SRCIN1: variants seen among roughly 807,000 people sequenced by gnomAD.
The protein encoded by SRCIN1 is P130Cas-associated protein.
In SRCIN1, 50 loss-of-function variants were observed where a neutral mutation model predicts 116.2. The ratio of observed to expected loss-of-function variants is 0.43; its 90% confidence interval spans 0.34 to 0.54. The LOEUF is 0.54. Ranked by LOEUF, SRCIN1 falls within the 20% of genes least tolerant of loss-of-function variation. The probability of loss-of-function intolerance (pLI) is 0.02; values close to 1 mark genes in which losing one functional copy is unlikely to be tolerated. For synonymous variants in SRCIN1, 736 were observed against 750.0 expected, an observed-to-expected ratio of 0.98 and a Z score of 0.30; for missense variants, 1,446 against 1,672.0, an observed-to-expected ratio of 0.86 and a Z score of 2.36.
At position 38,533,411 on chromosome 17, in the gene SRCIN1, C is replaced by G. The variant is rs1180662418; in HGVS notation, c.3438G>C (p.Glu1146Asp). 6.2e-7 allele frequency: 1 copy of G among 1,613,246 alleles called. No homozygotes were observed. The highest frequency in any genetic ancestry group is 1.7e-5 in the Admixed American group (1 of 59,974). ...TCGAGGTCTCATTCGACCCGCTCAT[C>G]TCTTTAGATGGTTTAGTGGCCTGGA... Reference protein sequence around the residue: ...AQQQATKPSKEMSGSNETSSP... With the variant: ...AQQQATKPSKDMSGSNETSSP... Residue 1146 changes from glutamate (E) to aspartate (D), a missense_variant, in exon 19 of 19, where the codon GAG (glutamate) becomes GAC (aspartate). Physicochemically the swap from Glu to Asp is conservative, Grantham distance 45 (BLOSUM62 2). This residue lies in a region of SRCIN1 where 531 missense variants were observed against 633.9 expected (regional missense o/e 0.84). Coordinates refer to ENST00000617146, the MANE Select transcript of SRCIN1 (RefSeq NM_025248.3).
In SRCIN1 at chr17:38,564,158, A is replaced by C. The variant is rs745919527; in HGVS notation, c.501T>G (p.Pro167=). ...SRMNRFRQSL[P]LSRSASQTKL... Reference sequence around the variant, plus strand: ...TGGTCTGGCTGGCCGAGCGGGAGAGAGGCAGGCTCTGTCGGAAGCGGTTCA... The same window carrying C: ...TGGTCTGGCTGGCCGAGCGGGAGAGCGGCAGGCTCTGTCGGAAGCGGTTCA... The change falls in exon 4 of 19, where the codon CCT becomes CCG. Residue 167 remains proline (P), a synonymous_variant. Transcript: ENST00000617146. The C allele has an allele frequency of 8.1e-6, 13 of 1,598,930 alleles. No homozygotes were observed. Among genetic ancestry groups the C allele is most frequent in the Non-Finnish European group, 9.4e-6 (11 of 1,173,686 alleles).
intron 2 of SRCIN1, among the ~76,000 whole-genome samples, chr17:38,577,041 C>A (rs1362913224): frequency 2.0e-5 from 3 of 152,310 alleles, no homozygotes; most frequent in East Asian, 3.9e-4. Flanking sequence ...GTTCCCAAAC[C>A]AACTCAGGCC....
chr17:38,606,626 G>GGAC (rs1172719747), upstream of SRCIN1, among the ~76,000 whole-genome samples: 1 of 152,140 alleles, frequency 6.6e-6, no homozygotes, highest in African/African-American at 2.4e-5. The surrounding 1 kb of genome is among the most constrained non-coding windows in gnomAD (Gnocchi z 5.2). Flanking sequence ...CCCCACCGTA[G>GGAC]GACGCTCCAG....
chr17:38,597,811 G>A (rs1228289824), intron 1 of SRCIN1, among the ~76,000 whole-genome samples: 1 of 152,160 alleles, frequency 6.6e-6, no homozygotes, highest in Admixed American at 6.5e-5. Flanking sequence ...GGGCAATAAG[G>A]TAGAAGAGAA....
In SRCIN1 at chr17:38,605,677, G is replaced by C. The variant is rs765184278; in HGVS notation, c.22+7C>G. Reference sequence around the variant, plus strand: ...GCACATTAGGGAGGAGAGAGACAGGGACATGCCTTGGGACGGAGCGTTCCC... The same window carrying C: ...GCACATTAGGGAGGAGAGAGACAGGCACATGCCTTGGGACGGAGCGTTCCC... On this transcript the variant is annotated splice_region_variant and intron_variant, in intron 1 of 18. Coordinates refer to ENST00000617146, the MANE Select transcript of SRCIN1 (RefSeq NM_025248.3). 1 of 1,328,118 alleles carries C rather than the reference G, an allele frequency of 7.5e-7. No homozygotes were observed. Among genetic ancestry groups the C allele is most frequent in the South Asian group, 1.8e-5 (1 of 55,488 alleles). The allele number at this position is 1,328,118 out of a possible 1,614,324, so 82.3% of individuals were successfully genotyped here.
In SRCIN1 at chr17:38,572,415, G is replaced by T. The variant is rs1275158780; in HGVS notation, c.325-4184C>A. On this transcript the variant is annotated intron_variant, in intron 2 of 18. Coordinates refer to ENST00000617146, the MANE Select transcript of SRCIN1 (RefSeq NM_025248.3). The surrounding 1 kb of genome is among the most constrained non-coding windows in gnomAD (Gnocchi z 4.3). ...TGGGGAAGAGGGCGCACCCCGGGAA[G>T]GTCATGACTTTCCGACGCTGGGGGA... Among the ~76,000 whole-genome samples the T allele has an allele frequency of 6.6e-6, 1 of 152,198 alleles. No homozygotes were observed. The highest frequency in any genetic ancestry group is 1.9e-4 in the East Asian group (1 of 5,184).
rs577010892 is a variant in SRCIN1 at position 38,552,819 on chromosome 17, G to T, written c.2238C>A (p.Asp746Glu). ...GCACCAGCCGGTGGTTGTGGGACAC[G>T]TCTCTCTGGATCTTCTCCACCGATT... ...LEKSVEKIQR[D>E]VSHNHRLVPG... Residue 746 changes from aspartate to glutamate, a missense_variant, in exon 12 of 19, where the codon GAC (aspartate) becomes GAA (glutamate). By Grantham distance (45) the Asp-to-Glu change is conservative. Around this residue, in one of 5 missense-constraint regions of SRCIN1, gnomAD observed 531 missense variants for 633.9 expected, o/e 0.84. Transcript: ENST00000617146. This position sits in a 1 kb window ranked among gnomAD's most constrained non-coding sequence, Gnocchi z 5.3. The T allele has an allele frequency of 2.5e-6, 4 of 1,613,816 alleles. No individual in the cohort carries two copies. The highest frequency in any genetic ancestry group is 3.4e-6 in the Non-Finnish European group (4 of 1,179,894).
chr17:38,545,700 C>T (rs2143040872), intron 17 of SRCIN1, among the ~76,000 whole-genome samples: 1 of 152,268 alleles, frequency 6.6e-6, no homozygotes, highest in South Asian at 2.1e-4. Flanking sequence ...TTGGCCAGGG[C>T]AGGCACACAT....
In SRCIN1 at chr17:38,563,182, C is replaced by A; in HGVS notation, c.740+141G>T. The A allele has an allele frequency of 2.2e-6, 2 of 895,314 alleles. No homozygotes were observed. The highest frequency in any genetic ancestry group is 2.8e-5 in the Admixed American group (1 of 35,858). 55.5% of individuals were successfully genotyped at this position (895,314 alleles called of 1,614,324 possible). A position where few individuals can be genotyped will look rare whatever the true frequency, so the allele number is the denominator to read the frequency against. On this transcript the variant is annotated intron_variant, in intron 5 of 18. Coordinates refer to ENST00000617146, the MANE Select transcript of SRCIN1 (RefSeq NM_025248.3). The surrounding 1 kb of genome is among the most constrained non-coding windows in gnomAD (Gnocchi z 5.8). ...GGGCTGAGATGGCCGAGGAAGGGGG[C>A]GGGGCGGTAGGGCTCTGGGAGGGGA...
At chr17:38,580,981 G>A (rs1041961334) in intron 1 of SRCIN1, among the ~76,000 whole-genome samples, 2 of 152,062 alleles carry the variant, frequency 1.3e-5, no homozygotes, top group African/African-American at 4.8e-5. Flanking sequence ...AATTACAGGT[G>A]CCTGCCACCA....
chr17:38,561,342 G>A (rs1294611777), intron 7 of SRCIN1, 121 bp downstream of exon 7: 4 of 1,221,900 alleles, frequency 3.3e-6, no homozygotes, highest in Admixed American at 7.1e-5. Flanking sequence ...GACTACTCAA[G>A]GTCTCCAAAG....
chr17:38,580,670 G>A (rs1907738076), intron 1 of SRCIN1, among the ~76,000 whole-genome samples: 1 of 152,172 alleles, frequency 6.6e-6, no homozygotes, highest in Non-Finnish European at 1.5e-5. Flanking sequence ...CATGGCATGT[G>A]TGGACTTCCT....
rs746141367 is a variant in SRCIN1 at position 38,560,302 on chromosome 17, C to T, written c.1793+31G>A. Reference sequence around the variant, plus strand: ...CCTTCCTCCTGCTCCACCCCTAGGCCCTGGCAGTGGTGTTGGGAGAGGGGC... The same window carrying T: ...CCTTCCTCCTGCTCCACCCCTAGGCTCTGGCAGTGGTGTTGGGAGAGGGGC... On this transcript the variant is annotated intron_variant, in intron 8 of 18. Coordinates refer to ENST00000617146, the MANE Select transcript of SRCIN1 (RefSeq NM_025248.3). 8 of 1,585,792 alleles carry T rather than the reference C, an allele frequency of 5.0e-6. No homozygotes were observed. In the East Asian group the frequency reaches 1.4e-4, roughly 27 times the overall value.
intron 1 of SRCIN1, among the ~76,000 whole-genome samples, 196 bp from the exon 2 acceptor site, chr17:38,578,987 G>A (rs929619161): frequency 1.3e-5 from 2 of 152,080 alleles, no homozygotes; most frequent in Non-Finnish European, 2.9e-5. Context: ...TGGAAAGCGC[G>A]CCTACGGCCC....
intron 7 of SRCIN1, among the ~76,000 whole-genome samples, 167 bp from the exon 8 acceptor site, chr17:38,560,592 T>A (rs2143173615): frequency 6.6e-6 from 1 of 152,176 alleles, no homozygotes; most frequent in African/African-American, 2.4e-5. Flanking sequence ...GCCCACAGCC[T>A]CCCATCTCAC....
At chr17:38,534,225 C>T (rs976996716) in intron 18 of SRCIN1, among the ~76,000 whole-genome samples, 7 of 152,218 alleles carry the variant, frequency 4.6e-5, no homozygotes, top group African/African-American at 9.6e-5. Context: ...TCTGCAGCTG[C>T]GGTCTCCAAA....
chr17:38,562,001 C>A lies in SRCIN1; in HGVS notation c.1162G>T (p.Val388Leu). 6.7e-7 allele frequency: 1 copy of A among 1,494,666 alleles called. No individual in the cohort carries two copies. The highest frequency in any genetic ancestry group is 8.8e-7 in the Non-Finnish European group (1 of 1,130,168). 92.6% of individuals were successfully genotyped at this position (1,494,666 alleles called of 1,614,324 possible). Residue 388 changes from valine (V) to leucine (L), a missense_variant, in exon 7 of 19, where the codon GTG becomes TTG. Physicochemically the swap from Val to Leu is conservative, Grantham distance 32. This residue lies in a region of SRCIN1 where 239 missense variants were observed against 317.7 expected (regional missense o/e 0.75). Coordinates refer to ENST00000617146, the MANE Select transcript of SRCIN1 (RefSeq NM_025248.3). This position sits in a 1 kb window ranked among gnomAD's most constrained non-coding sequence, Gnocchi z 4.2. ...TAGAGGCCCTCGCCTTTCACCAGCA[C>A]CATGCCGCCCGCCTTGCTCGCCAGG... Reference protein sequence around the residue: ...EDLASKAGGMVLVKGEGLYAD... With the variant: ...EDLASKAGGMLLVKGEGLYAD...
chr17:38,570,997 T>C (rs893018754), intron 2 of SRCIN1, among the ~76,000 whole-genome samples: 2 of 152,176 alleles, frequency 1.3e-5, no homozygotes, highest in Non-Finnish European at 2.9e-5. Flanking sequence ...CTCTGGAAAG[T>C]GGGAAGAATG....
intron 18 of SRCIN1, among the ~76,000 whole-genome samples, chr17:38,535,867 G>A (rs1597875520): frequency 6.6e-6 from 1 of 152,132 alleles, no homozygotes; most frequent in Non-Finnish European, 1.5e-5. Flanking sequence ...GATTCTCCCC[G>A]GTTGTCCTTT....
Sources: gnomAD v4.1 joint callset for allele counts (sites outside exome capture counted in the v4.1 genomes callset) on GRCh38, gnomAD v4.1.1 for gene constraint, gnomAD v4.1.1 regional missense constraint, Gnocchi (gnomAD v3.1) non-coding constraint, MANE v1.5 for transcripts, NCBI Gene and HGNC (gene_info 2026-07-23, HGNC 2026-07-21) for gene names.